The following TRIM66 variants were observed in gnomAD, a reference collection of about 807,000 sequenced individuals.
TRIM66 encodes tripartite motif containing 66.
A neutral mutation model predicts 148.2 loss-of-function variants in TRIM66; 99 were observed. The ratio of observed to expected loss-of-function variants is 0.67; its 90% CI spans 0.57 to 0.79. The LOEUF (loss-of-function observed/expected upper bound fraction) is 0.79, where lower values mean the gene tolerates loss of function less well. Ranked by LOEUF, TRIM66 falls within the 30% of genes least tolerant of loss-of-function variation. The pLI, the probability that TRIM66 is intolerant of heterozygous loss-of-function variation, is 0.00. For missense variants in TRIM66, 1,666 were observed against 1,697.9 expected (o/e 0.98, Z 0.33); for synonymous variants, 616 against 635.9 (o/e 0.97, Z 0.47).
intron 17 of TRIM66, 47 bp downstream of exon 17, chr11:8,624,312 T>C: frequency 6.5e-7 from 1 of 1,533,234 alleles, no homozygotes; most frequent in South Asian, 1.2e-5. Flanking sequence ...TGAGTCCATC[T>C]GCTCAAGTCT....
intron 6 of TRIM66, among the ~76,000 whole-genome samples, chr11:8,664,503 A>G (rs758773182): frequency 6.6e-6 from 1 of 152,172 alleles, no homozygotes; most frequent in Non-Finnish European, 1.5e-5. Context: ...CCCAATCCTC[A>G]TATTTTTCAT....
chr11:8,668,565 T>A (rs117488032), intron 6 of TRIM66, among the ~76,000 whole-genome samples: 7,682 of 152,094 alleles, frequency 0.051, 264 homozygotes, highest in Non-Finnish European at 0.068. Flanking sequence ...GATTCCAAGA[T>A]GGCATATTCC....
At chr11:8,643,147 C>A in intron 12 of TRIM66, 21 bp from the exon 13 acceptor site, 1 of 1,544,622 alleles carries the variant, frequency 6.5e-7, no homozygotes, top group South Asian at 1.2e-5. Context: ...CACCAAAGGT[C>A]ATTTATTTGG....
At chr11:8,667,557 TC>T in intron 6 of TRIM66, among the ~76,000 whole-genome samples, 1 of 152,266 alleles carries the variant, frequency 6.6e-6, no homozygotes, top group South Asian at 2.1e-4. Flanking sequence ...TCTGTACCCA[TC>T]AAATAACAAC....
upstream of TRIM66, chr11:8,682,925 G>A: frequency 1.4e-6 from 2 of 1,403,244 alleles, no homozygotes; most frequent in South Asian, 1.4e-5. Flanking sequence ...CTTCCAGGCT[G>A]CGCATGGCCG....
At chr11:8,658,857 C>T in intron 6 of TRIM66, 1 of 961,822 alleles carries the variant, frequency 1.0e-6, no homozygotes, top group Non-Finnish European at 1.2e-6. Context: ...TCACCTGCTC[C>T]TGCCACTTCA....
chr11:8,652,900 G>T (rs1229344853), intron 6 of TRIM66, among the ~76,000 whole-genome samples: 1 of 152,168 alleles, frequency 6.6e-6, no homozygotes, highest in Non-Finnish European at 1.5e-5. Context: ...CAAAATACCA[G>T]GCCTACCAGC....
At chr11:8,644,903 A>G (rs2036715156) in intron 12 of TRIM66, among the ~76,000 whole-genome samples, 2 of 152,178 alleles carry the variant, frequency 1.3e-5, no homozygotes, top group South Asian at 2.1e-4. Flanking sequence ...CCCATGCAGC[A>G]TTGTCAAATG....
At chr11:8,627,070 T>C (rs1464889514) in intron 15 of TRIM66, among the ~76,000 whole-genome samples, 1 of 152,260 alleles carries the variant, frequency 6.6e-6, no homozygotes, top group Non-Finnish European at 1.5e-5. Flanking sequence ...TATGCTCTCA[T>C]ATGCCTTGTA....
Position 8,624,989 on chromosome 11 carries a change from G to C in TRIM66, c.2550C>G (p.Ser850Arg), listed in dbSNP as rs373538538. Residue 850 changes from serine (S) to arginine (R), a missense_variant, in exon 16 of 25, where the codon AGC (serine) becomes AGG (arginine). Ser to Arg is a moderately radical substitution (Grantham distance 110). Around this residue, in one of 3 missense-constraint regions of TRIM66, gnomAD observed 1,431 missense variants for 1,412.4 expected, o/e 1.01. Coordinates refer to ENST00000646038, the MANE Select transcript of TRIM66 (RefSeq NM_001388022.1). ...LTTSHLQTVPSLVHSTFQSMP... is the reference protein window; with the variant it reads ...LTTSHLQTVPRLVHSTFQSMP... ...TGGACTGGAATGTGCTATGCACAAG[G>C]CTGGGCACAGTCTGTAGGTGACTGG... 1.5e-5 allele frequency: 24 copies of C among 1,551,658 alleles called. No individual in the cohort carries two copies. Among genetic ancestry groups the C allele is most frequent in the Non-Finnish European group, 2.0e-5 (23 of 1,147,006 alleles).
chr11:8,627,778 C>A (rs750395033), intron 15 of TRIM66, among the ~76,000 whole-genome samples: 1 of 152,100 alleles, frequency 6.6e-6, no homozygotes, highest in Non-Finnish European at 1.5e-5. Context: ...TGGGATTTTC[C>A]TTTGGATTTT....
intron 15 of TRIM66, among the ~76,000 whole-genome samples, chr11:8,635,297 G>C (rs1166598289): frequency 6.6e-6 from 1 of 152,120 alleles, no homozygotes; most frequent in Non-Finnish European, 1.5e-5. Flanking sequence ...CTTCCTCATA[G>C]TATTGCTAGG....
chr11:8,638,572 C>A, intron 15 of TRIM66, 82 bp downstream of exon 15: 1 of 1,473,490 alleles, frequency 6.8e-7, no homozygotes, highest in Non-Finnish European at 9.1e-7. Context: ...CCTCCCCCCA[C>A]CCTATCCTCC....
At chr11:8,663,623 G>A (rs377634047) in intron 6 of TRIM66, among the ~76,000 whole-genome samples, 1 of 152,076 alleles carries the variant, frequency 6.6e-6, no homozygotes, top group African/African-American at 2.4e-5. Context: ...GGATGCGGGG[G>A]GAGGGGACTA....
chr11:8,621,964 T>C (rs781091955), intron 18 of TRIM66, 145 bp from the exon 19 acceptor site: 34 of 903,956 alleles, frequency 3.8e-5, no homozygotes, highest in Non-Finnish European at 5.0e-5. Context: ...TTATCCTGGG[T>C]GTGTCTGTGA....
In TRIM66 at chr11:8,612,720, A is replaced by T. The variant is rs996152923; in HGVS notation, c.*5224T>A. The stretch of plus-strand genomic sequence containing the variant: ...CAAGGGAGCAGCCACCGCGCTCCCT[A>T]GTCTCCCTCCATCCGAATGTTATCA... On this transcript the variant is annotated 3_prime_UTR_variant, in exon 25 of 25. Coordinates refer to ENST00000646038, the MANE Select transcript of TRIM66 (RefSeq NM_001388022.1). 2.6e-5 allele frequency: 4 copies of T among 152,366 alleles called. No homozygotes were observed. Among genetic ancestry groups the T allele is most frequent in the African/African-American group, 9.7e-5 (4 of 41,398 alleles). The allele number at this position is 152,366 out of a possible 1,614,324, so 9.4% of individuals were successfully genotyped here.
intron 12 of TRIM66, 67 bp downstream of exon 12, chr11:8,645,674 C>T: frequency 6.5e-7 from 1 of 1,535,472 alleles, no homozygotes. Flanking sequence ...CCTCATTGCC[C>T]CTCTGACAAA....
rs1565522554 is a variant in TRIM66, at chr11:8,642,990, T to A, written c.1222+19A>T. On this transcript the variant is annotated intron_variant, in intron 13 of 24. Transcript: ENST00000646038. ...AGCCCACAGGGTGGGTAGGCCTGGG[T>A]GGGTGGGTCCAAGCTCACCAAGAGA... 6.5e-7 allele frequency: 1 copy of A among 1,530,788 alleles called. No homozygotes were observed. The allele number at this position is 1,530,788 out of a possible 1,614,324, so 94.8% of individuals were successfully genotyped here.
At position 8,613,979 on chromosome 11, in the gene TRIM66, C is replaced by A. The variant is rs1231061442; in HGVS notation, c.*3965G>T. 2 of 152,196 alleles carry A rather than the reference C, an allele frequency of 1.3e-5. No individual in the cohort carries two copies. Among genetic ancestry groups the A allele is most frequent in the Non-Finnish European group, 2.9e-5 (2 of 68,070 alleles). 9.4% of individuals were successfully genotyped at this position (152,196 alleles called of 1,614,324 possible). A position where few individuals can be genotyped will look rare whatever the true frequency, so the allele number is the denominator to read the frequency against. On this transcript the variant is annotated 3_prime_UTR_variant, in exon 25 of 25. Coordinates refer to ENST00000646038, the MANE Select transcript of TRIM66 (RefSeq NM_001388022.1). The stretch of plus-strand genomic sequence containing the variant: ...TGTGAATCTGTCATGCATAGCAGCC[C>A]AGGAGGTGGAAGCAGCAAATATGAT...
Sources: gnomAD v4.1 joint callset for allele counts (sites outside exome capture counted in the v4.1 genomes callset) on GRCh38, gnomAD v4.1.1 for gene constraint, gnomAD v4.1.1 regional missense constraint, MANE v1.5 for transcripts, NCBI Gene and HGNC (gene_info 2026-07-23, HGNC 2026-07-21) for gene names.